SHC4: variants seen among roughly 807,000 people sequenced by gnomAD.
SHC4 encodes the protein SHC-transforming protein 4.
In SHC4, 41 loss-of-function variants were observed where a neutral mutation model predicts 69.4. That is an observed-to-expected ratio of 0.59 (90% CI 0.46 to 0.77). SHC4 has a LOEUF of 0.77. Ranked by LOEUF, SHC4 falls within the 30% of genes least tolerant of loss-of-function variation. The pLI, the probability that SHC4 is intolerant of heterozygous loss-of-function variation, is 0.00. For synonymous variants in SHC4, 318 were observed against 299.3 expected (o/e 1.06, Z -0.64); for missense variants, 777 against 783.8 (o/e 0.99, Z 0.10).
At chr15:48,920,238 G>A (rs1900725456) in intron 2 of SHC4, among the ~76,000 whole-genome samples, 1 of 151,592 alleles carries the variant, frequency 6.6e-6, no homozygotes, top group Non-Finnish European at 1.5e-5. Context: ...AGCCAGGATG[G>A]TCTCGATCTC....
At chr15:48,894,782 A>G in intron 2 of SHC4, among the ~76,000 whole-genome samples, 1 of 152,068 alleles carries the variant, frequency 6.6e-6, no homozygotes, top group South Asian at 2.1e-4. Flanking sequence ...ATATTTATTT[A>G]TTTAATTTTT....
At chr15:48,833,888 TG>T (rs1420337259) in intron 11 of SHC4, among the ~76,000 whole-genome samples, 1 of 152,248 alleles carries the variant, frequency 6.6e-6, no homozygotes, top group African/African-American at 2.4e-5. Flanking sequence ...TATGCTCACC[TG>T]AGGTACTGAA....
In SHC4 at chr15:48,825,568, T is replaced by C. The variant is rs72739882; in HGVS notation, c.*403A>G. The C allele has an allele frequency of 0.046, 7,231 of 158,920 alleles. 204 individuals are homozygous for C. Among genetic ancestry groups the C allele is most frequent in the Non-Finnish European group, 0.071 (5,095 of 72,204 alleles). 9.8% of individuals were successfully genotyped at this position (158,920 alleles called of 1,614,324 possible). A position where few individuals can be genotyped will look rare whatever the true frequency, so the allele number is the denominator to read the frequency against. ...GTTCTATAGTCATAGAACATGAAGA[T>C]ACTTAGAATTAATCTCCCAATATGA... On this transcript the variant is annotated 3_prime_UTR_variant, in exon 12 of 12. Coordinates refer to ENST00000332408, the MANE Select transcript of SHC4 (RefSeq NM_203349.4).
intron 9 of SHC4, among the ~76,000 whole-genome samples, chr15:48,846,258 T>G (rs1185323244): frequency 6.6e-6 from 1 of 152,204 alleles, no homozygotes; most frequent in Non-Finnish European, 1.5e-5. Flanking sequence ...TTAACCTCTC[T>G]AAGACTCAGT....
Position 48,864,436 on chromosome 15 carries a change from C to CTTTTT in SHC4, c.946+3377_946+3381dup, listed in dbSNP as rs35549079. On this transcript the variant is annotated intron_variant, in intron 6 of 11. Transcript: ENST00000332408. ...TGCTTTCCAATACCAATACCACTTTCTTTTTTTTTTTTTTTTTTTTTTTTT... is the reference window on the plus strand; with the variant it reads ...TGCTTTCCAATACCAATACCACTTTCTTTTTTTTTTTTTTTTTTTTTTTTTTTTTT... 7.3e-4 allele frequency among the ~76,000 whole-genome samples: 40 copies of CTTTTT among 55,066 alleles called. 1 individual carries two copies. The highest frequency in any genetic ancestry group is 1.5e-3 in the African/African-American group (21 of 14,244). The allele number at this position is 55,066 out of a possible 152,430, so 36.1% of individuals were successfully genotyped here. A position where few individuals can be genotyped will look rare whatever the true frequency, so the allele number is the denominator to read the frequency against.
intron 2 of SHC4, among the ~76,000 whole-genome samples, chr15:48,905,632 G>T (rs1900393993): frequency 6.6e-6 from 1 of 152,146 alleles, no homozygotes; most frequent in Admixed American, 6.5e-5. Flanking sequence ...AGAAGGCCTG[G>T]GAAGAAATCA....
At chr15:48,884,115 C>A (rs1005071990) in intron 4 of SHC4, 133 bp downstream of exon 4, 3 of 988,792 alleles carry the variant, frequency 3.0e-6, no homozygotes, top group Non-Finnish European at 4.0e-6. Context: ...ATGCATAAAT[C>A]TTCAGCAGAT....
intron 4 of SHC4, among the ~76,000 whole-genome samples, chr15:48,883,520 C>G (rs1567060951): frequency 6.6e-6 from 1 of 152,132 alleles, no homozygotes; most frequent in African/African-American, 2.4e-5. Context: ...ACATATTAGA[C>G]AAAGAGGAAA....
intron 2 of SHC4, among the ~76,000 whole-genome samples, chr15:48,913,157 C>G (rs1456974559): frequency 6.6e-6 from 1 of 151,630 alleles, no homozygotes; most frequent in Non-Finnish European, 1.5e-5. Context: ...CCTAGAACTC[C>G]CAAGATTATA....
At chr15:48,847,562 G>A (rs1227055579) in intron 9 of SHC4, among the ~76,000 whole-genome samples, 5 of 152,050 alleles carry the variant, frequency 3.3e-5, no homozygotes, top group African/African-American at 7.2e-5. Context: ...GGATGTCTTC[G>A]GAGGCTACTG....
At chr15:48,914,299 G>A (rs1485035255) in intron 2 of SHC4, among the ~76,000 whole-genome samples, 1 of 152,208 alleles carries the variant, frequency 6.6e-6, no homozygotes, top group Non-Finnish European at 1.5e-5. Context: ...TAGGGATTTG[G>A]AGTGTGAGTA....
intron 11 of SHC4, among the ~76,000 whole-genome samples, chr15:48,831,796 T>C (rs188972941): frequency 1.5e-4 from 23 of 152,338 alleles, no homozygotes; most frequent in Admixed American, 1.4e-3. Flanking sequence ...GTATTCTGTG[T>C]TTTTCTATAT....
chr15:48,856,327 GT>G lies in SHC4; in HGVS notation c.1071-204del, dbSNP rs551473689. 5.3e-5 allele frequency among the ~76,000 whole-genome samples: 8 copies of G among 152,274 alleles called. No individual in the cohort carries two copies. The East Asian group carries it at 1.5e-3, about 29-fold the overall frequency. ...TTTAGCTTTCTGTAGACAAAACGGG[GT>G]AAGCCAATAGAAAGTGCCAAGGGTG... On this transcript the variant is annotated intron_variant, in intron 7 of 11. Transcript: ENST00000332408.
chr15:48,909,176 A>G (rs1016604186), intron 2 of SHC4, among the ~76,000 whole-genome samples: 1 of 152,104 alleles, frequency 6.6e-6, no homozygotes, highest in Non-Finnish European at 1.5e-5. Context: ...CTGCCCATCC[A>G]TGAGCATGGG....
intron 2 of SHC4, among the ~76,000 whole-genome samples, chr15:48,915,867 A>T (rs1439693984): frequency 6.6e-6 from 1 of 152,110 alleles, no homozygotes; most frequent in Non-Finnish European, 1.5e-5. Flanking sequence ...AAATTTTTTC[A>T]CTGGGGAATG....
At chr15:48,926,088 A>G (rs762618645) in intron 1 of SHC4, among the ~76,000 whole-genome samples, 4 of 152,168 alleles carry the variant, frequency 2.6e-5, no homozygotes, top group Non-Finnish European at 5.9e-5. Flanking sequence ...CCGGTGGGGT[A>G]TCCAGGAAAT....
intron 6 of SHC4, among the ~76,000 whole-genome samples, chr15:48,862,712 G>A (rs1187326863): frequency 6.6e-6 from 1 of 152,114 alleles, no homozygotes; most frequent in Non-Finnish European, 1.5e-5. Context: ...CCTGTTAATT[G>A]CTGGGCGAAA....
intron 2 of SHC4, among the ~76,000 whole-genome samples, chr15:48,916,055 G>T (rs1253747700): frequency 1.3e-5 from 2 of 152,092 alleles, no homozygotes; most frequent in Non-Finnish European, 2.9e-5. Flanking sequence ...ACTTATCCAT[G>T]CATTGCCGTA....
chr15:48,910,572 C>T (rs1900490451), intron 2 of SHC4, among the ~76,000 whole-genome samples: 1 of 151,926 alleles, frequency 6.6e-6, no homozygotes. Context: ...TTTAGTTCTG[C>T]TCTGATCTTG....
Sources: gnomAD v4.1 joint callset for allele counts (sites outside exome capture counted in the v4.1 genomes callset) on GRCh38, gnomAD v4.1.1 for gene constraint, MANE v1.5 for transcripts, NCBI Gene and HGNC (gene_info 2026-07-23, HGNC 2026-07-21) for gene names.